The following ATF7 variants were observed in gnomAD, a reference collection of about 807,000 sequenced individuals.
ATF7 encodes the protein cyclic AMP-dependent transcription factor ATF-7.
A neutral mutation model predicts 50.4 loss-of-function variants in ATF7; 10 were observed. The ratio of observed to expected loss-of-function variants is 0.20; its 90% CI spans 0.12 to 0.34. ATF7 has a LOEUF of 0.34. Ranked by LOEUF, ATF7 falls within the 10% of genes least tolerant of loss-of-function variation. ATF7 has a pLI of 1.00. For missense variants in ATF7, 465 were observed against 613.9 expected, an observed-to-expected ratio of 0.76 and a Z score of 2.56; for synonymous variants, 201 against 226.4, an observed-to-expected ratio of 0.89 and a Z score of 1.01.
chr12:53,600,933 A>G lies in ATF7; in HGVS notation c.48+20T>C, dbSNP rs1294594855. ...TGATTCACAACGAGACATTCACAAT[A>G]AAGTATATTGTAAACGTACCTGTCC... is the stretch of plus-strand genomic sequence containing the variant. On this transcript the variant is annotated intron_variant, in intron 2 of 11. Coordinates refer to ENST00000420353, the MANE Select transcript of ATF7 (RefSeq NM_006856.3). 1.9e-6 allele frequency: 3 copies of G among 1,611,718 alleles called. No individual in the cohort carries two copies. Among genetic ancestry groups the G allele is most frequent in the Non-Finnish European group, 2.5e-6 (3 of 1,178,766 alleles).
intron 4 of ATF7, among the ~76,000 whole-genome samples, chr12:53,540,898 A>G (rs1204142962): frequency 6.6e-6 from 1 of 151,976 alleles, no homozygotes; most frequent in Non-Finnish European, 1.5e-5. Context: ...CACTCAGCTG[A>G]TTTTTAAATT....
intron 7 of ATF7, 86 bp downstream of exon 7, chr12:53,533,074 G>T (rs1565927709): frequency 1.6e-6 from 2 of 1,212,556 alleles, no homozygotes; most frequent in Non-Finnish European, 2.4e-6. Context: ...CATTTCCCTG[G>T]GGCTCATGTG....
intron 2 of ATF7, among the ~76,000 whole-genome samples, chr12:53,557,265 G>T (rs111441557): frequency 0.038 from 5,824 of 152,118 alleles, 212 homozygotes; most frequent in East Asian, 0.19. Flanking sequence ...GCAGTGGCAC[G>T]ATCTTGGCTC....
intron 3 of ATF7, among the ~76,000 whole-genome samples, chr12:53,550,367 T>TAAATAATA (rs1045547762): frequency 6.4e-5 from 9 of 141,026 alleles, no homozygotes; most frequent in African/African-American, 2.3e-4. Flanking sequence ...AATAAATAAA[T>TAAATAATA]AATAAATATA....
At chr12:53,545,163 T>A (rs997410785) in intron 3 of ATF7, among the ~76,000 whole-genome samples, 3 of 152,322 alleles carry the variant, frequency 2.0e-5, no homozygotes, top group Non-Finnish European at 4.4e-5. Flanking sequence ...CAGGCTCATT[T>A]CTGGTTTTTT....
intron 1 of ATF7, among the ~76,000 whole-genome samples, chr12:53,601,540 G>A (rs1338700695): frequency 6.6e-6 from 1 of 151,990 alleles, no homozygotes; most frequent in East Asian, 1.9e-4. Context: ...AGAAAACAAA[G>A]CACCCATCCT....
intron 1 of ATF7, among the ~76,000 whole-genome samples, chr12:53,620,612 C>T (rs1049147957): frequency 2.7e-5 from 4 of 148,988 alleles, no homozygotes; most frequent in African/African-American, 9.9e-5. Flanking sequence ...AAAAATTAGC[C>T]AGGTGTGGTG....
rs1474905761 is a variant in ATF7, at chr12:53,575,507, T to A, written c.49-22870A>T. The A allele has an allele frequency of 1.9e-4, 27 of 144,406 alleles. No individual in the cohort carries two copies. In the Admixed American group the frequency reaches 1.9e-3, roughly 10 times the overall value. 8.9% of individuals were successfully genotyped at this position (144,406 alleles called of 1,614,324 possible). On this transcript the variant is annotated intron_variant, in intron 2 of 11. Transcript: ENST00000420353. ...AGAAGAATCACTTGAACCTGTGAGGTGGAGGTTGCAGTGAGCCAAGATGGC... is the reference window on the plus strand; with the variant it reads ...AGAAGAATCACTTGAACCTGTGAGGAGGAGGTTGCAGTGAGCCAAGATGGC...
At chr12:53,529,832 C>T (rs970186332) in intron 9 of ATF7, among the ~76,000 whole-genome samples, 6 of 150,732 alleles carry the variant, frequency 4.0e-5, no homozygotes, top group African/African-American at 1.5e-4. Flanking sequence ...CCTCCACCTC[C>T]CAGGCTCAAG....
intron 2 of ATF7, among the ~76,000 whole-genome samples, chr12:53,569,612 T>C (rs1255481576): frequency 6.6e-6 from 1 of 152,224 alleles, no homozygotes; most frequent in Non-Finnish European, 1.5e-5. Flanking sequence ...TTTCATGTCT[T>C]ATACATCTCT....
At chr12:53,566,706 A>C (rs1267910879) in intron 2 of ATF7, among the ~76,000 whole-genome samples, 2 of 152,108 alleles carry the variant, frequency 1.3e-5, no homozygotes, top group Non-Finnish European at 2.9e-5. Context: ...AACAGTCCTA[A>C]TTCTGGACAC....
At position 53,516,862 on chromosome 12, in the gene ATF7, C is replaced by A; in HGVS notation, c.*275G>T. Reference sequence around the variant, plus strand: ...CGTGCATGGGGCAGGGGTGATTGTTCGGACCATCTGGAAAGGCCTTTGGCT... The same window carrying A: ...CGTGCATGGGGCAGGGGTGATTGTTAGGACCATCTGGAAAGGCCTTTGGCT... On this transcript the variant is annotated 3_prime_UTR_variant, in exon 12 of 12. Transcript: ENST00000420353. The A allele has an allele frequency of 2.0e-6, 1 of 497,332 alleles. No homozygotes were observed. The highest frequency in any genetic ancestry group is 3.7e-6 in the Non-Finnish European group (1 of 271,352). 30.8% of individuals were successfully genotyped at this position (497,332 alleles called of 1,614,324 possible). A position where few individuals can be genotyped will look rare whatever the true frequency, so the allele number is the denominator to read the frequency against.
At chr12:53,602,235 A>G (rs532481233) in intron 1 of ATF7, among the ~76,000 whole-genome samples, 59 of 152,348 alleles carry the variant, frequency 3.9e-4, no homozygotes, top group Middle Eastern at 3.4e-3. Context: ...AGGAACTACA[A>G]TTTGAATATG....
chr12:53,534,977 A>C (rs2137393692), intron 5 of ATF7, among the ~76,000 whole-genome samples: 1 of 152,268 alleles, frequency 6.6e-6, no homozygotes, highest in South Asian at 2.1e-4. Flanking sequence ...AATTTTTCAC[A>C]ATCTAGATAC....
intron 1 of ATF7, among the ~76,000 whole-genome samples, chr12:53,620,303 G>A (rs1486502505): frequency 6.6e-6 from 1 of 151,424 alleles, no homozygotes; most frequent in East Asian, 1.9e-4. Flanking sequence ...TAGGCCGGGC[G>A]CGGTGGCTCA....
Position 53,559,590 on chromosome 12 carries a change from A to C in ATF7, c.49-6953T>G, listed in dbSNP as rs148721589. 1.2e-3 allele frequency among the ~76,000 whole-genome samples: 186 copies of C among 151,650 alleles called. 2 individuals carry two copies. In the East Asian group the frequency reaches 0.027, roughly 22 times the overall value. On this transcript the variant is annotated intron_variant, in intron 2 of 11. Coordinates refer to ENST00000420353, the MANE Select transcript of ATF7 (RefSeq NM_006856.3). ...GCTACTCGGGAGGCTGAGGCACGAG[A>C]ATCACTTGAACCTGGGAGGCAGAGG... is the stretch of plus-strand genomic sequence containing the variant.
At position 53,595,936 on chromosome 12, in the gene ATF7, CAA is replaced by C. The variant is rs527266096; in HGVS notation, c.48+5015_48+5016del. 8.4e-3 allele frequency among the ~76,000 whole-genome samples: 1,274 copies of C among 151,852 alleles called. 6 individuals carry two copies. The highest frequency in any genetic ancestry group is 0.012 in the Non-Finnish European group (794 of 67,906). On this transcript the variant is annotated intron_variant, in intron 2 of 11. Coordinates refer to ENST00000420353, the MANE Select transcript of ATF7 (RefSeq NM_006856.3). ...AGATCTGACAGTAGATCTCTCCAGGCAAAAAAAGAGTAATAGCCCCTCAGGGT... is the reference window on the plus strand; with the variant it reads ...AGATCTGACAGTAGATCTCTCCAGGCAAAAAGAGTAATAGCCCCTCAGGGT...
chr12:53,588,832 T>C (rs1184802230), intron 2 of ATF7, among the ~76,000 whole-genome samples: 4 of 152,088 alleles, frequency 2.6e-5, no homozygotes. Flanking sequence ...CCTCAGAGAG[T>C]AGACACATTT....
rs1378002356 is a variant in ATF7, at chr12:53,514,937, A to G, written c.*2200T>C. 6.6e-6 allele frequency: 1 copy of G among 152,202 alleles called. No individual in the cohort carries two copies. Among genetic ancestry groups the G allele is most frequent in the Non-Finnish European group, 1.5e-5 (1 of 68,042 alleles). The allele number at this position is 152,202 out of a possible 1,614,324, so 9.4% of individuals were successfully genotyped here. ...AATCAAGACAATAAAAAAATGAAAC[A>G]AAACTCTAAAGCAGGAGAAAATCCC... On this transcript the variant is annotated 3_prime_UTR_variant, in exon 12 of 12. Coordinates refer to ENST00000420353, the MANE Select transcript of ATF7 (RefSeq NM_006856.3).
Sources: gnomAD v4.1 joint callset for allele counts (sites outside exome capture counted in the v4.1 genomes callset) on GRCh38, gnomAD v4.1.1 for gene constraint, MANE v1.5 for transcripts, NCBI Gene and HGNC (gene_info 2026-07-23, HGNC 2026-07-21) for gene names.